Variants in MROH2B observed in about 807,000 individuals in gnomAD.
MROH2B encodes maestro heat like repeat family member 2B.
A neutral mutation model predicts 208.6 loss-of-function variants in MROH2B; 177 were observed. That is an observed-to-expected ratio of 0.85 (90% confidence interval 0.75 to 0.96). MROH2B has a LOEUF of 0.96. Ranked by LOEUF, MROH2B falls within the 40% of genes least tolerant of loss-of-function variation. The pLI is 0.00. For synonymous variants in MROH2B, 728 were observed against 659.0 expected, an observed-to-expected ratio of 1.10 and a Z score of -1.60; for missense variants, 2,002 against 1,878.7, an observed-to-expected ratio of 1.07 and a Z score of -1.21.
At chr5:41,070,782 C>G in intron 1 of MROH2B, 43 bp downstream of exon 1, 1 of 1,598,120 alleles carries the variant, frequency 6.3e-7, no homozygotes, top group Non-Finnish European at 8.5e-7. Context: ...AGAAACAAAA[C>G]ACAGGGAAGA....
At chr5:41,013,209 A>C (rs897190127) in intron 29 of MROH2B, among the ~76,000 whole-genome samples, 1 of 152,244 alleles carries the variant, frequency 6.6e-6, no homozygotes, top group South Asian at 2.1e-4. Context: ...GACAGTGTAC[A>C]TATGGAGTAT....
intron 6 of MROH2B, among the ~76,000 whole-genome samples, chr5:41,058,609 C>A (rs1208788073): frequency 6.6e-6 from 1 of 152,124 alleles, no homozygotes; most frequent in Admixed American, 6.5e-5. Context: ...AGGTGCCCAC[C>A]AGCATGCCTG....
At chr5:41,033,898 A>G (rs1179660555) in intron 21 of MROH2B, 34 bp from the exon 22 acceptor site, 2 of 1,548,100 alleles carry the variant, frequency 1.3e-6, no homozygotes, top group South Asian at 1.2e-5. Flanking sequence ...TAGATACTCA[A>G]TGAGTGGCAT....
chr5:41,045,600 C>A, intron 18 of MROH2B, 146 bp downstream of exon 18: 1 of 613,568 alleles, frequency 1.6e-6, no homozygotes, highest in South Asian at 2.0e-5. Context: ...ATTCAACTTT[C>A]AGCTAGTGGC....
At chr5:41,046,384 G>C (rs921317582) in intron 17 of MROH2B, among the ~76,000 whole-genome samples, 24 of 151,992 alleles carry the variant, frequency 1.6e-4, no homozygotes, top group African/African-American at 5.8e-4. Flanking sequence ...ATGAGACAGG[G>C]TCACAATCAG....
intron 7 of MROH2B, among the ~76,000 whole-genome samples, chr5:41,057,715 C>T (rs1330435519): frequency 2.0e-5 from 3 of 151,596 alleles, no homozygotes; most frequent in African/African-American, 7.3e-5. Context: ...CGCCACCATG[C>T]CCGGCTAATT....
intron 10 of MROH2B, 87 bp downstream of exon 10, chr5:41,055,655 G>T: frequency 1.1e-6 from 1 of 921,036 alleles, no homozygotes; most frequent in Non-Finnish European, 1.7e-6. Context: ...GCATCCAAAA[G>T]ACATAGGATA....
At chr5:41,038,444 C>T (rs1360134658) in intron 21 of MROH2B, among the ~76,000 whole-genome samples, 2 of 152,148 alleles carry the variant, frequency 1.3e-5, no homozygotes, top group African/African-American at 4.8e-5. Flanking sequence ...ATAAATTTTT[C>T]TGTTCCCATA....
intron 27 of MROH2B, 112 bp downstream of exon 27, chr5:41,018,229 A>G (rs1742020037): frequency 1.7e-6 from 2 of 1,150,360 alleles, no homozygotes; most frequent in Middle Eastern, 2.0e-4. Flanking sequence ...TCCGAAAAGC[A>G]CTTCACTCTG....
At chr5:41,007,267 T>C in intron 34 of MROH2B, 47 bp downstream of exon 34, 1 of 1,377,196 alleles carries the variant, frequency 7.3e-7, no homozygotes, top group South Asian at 1.9e-5. Flanking sequence ...TGTTTGTTTG[T>C]TTTTGTTTTC....
At chr5:41,024,060 G>C (rs921571768) in intron 24 of MROH2B, among the ~76,000 whole-genome samples, 1 of 152,136 alleles carries the variant, frequency 6.6e-6, no homozygotes, top group Non-Finnish European at 1.5e-5. Context: ...AGAACAACCA[G>C]TACCAGCCAC....
At chr5:41,031,324 C>T (rs1003476071) in intron 24 of MROH2B, among the ~76,000 whole-genome samples, 1 of 152,004 alleles carries the variant, frequency 6.6e-6, no homozygotes, top group Non-Finnish European at 1.5e-5. Context: ...AACTCACTCA[C>T]TATCATGAGA....
At position 41,062,373 on chromosome 5, in the gene MROH2B, A is replaced by G. The variant is rs370526868; in HGVS notation, c.461-649T>C. On this transcript the variant is annotated intron_variant, in intron 5 of 41. Coordinates refer to ENST00000399564, the MANE Select transcript of MROH2B (RefSeq NM_173489.5). ...GTGGTTACCCTTTGAAGGTAACATG[A>G]GGGGGCTTCTGGGCTCTGACAATCT... Among the ~76,000 whole-genome samples the G allele has an allele frequency of 2.0e-4, 30 of 152,292 alleles. No homozygotes were observed. In the East Asian group the frequency reaches 5.2e-3, roughly 26 times the overall value.
intron 13 of MROH2B, 97 bp downstream of exon 13, chr5:41,050,880 G>T: frequency 1.3e-6 from 1 of 786,576 alleles, no homozygotes; most frequent in Non-Finnish European, 2.0e-6. Context: ...GGAAGCTGAT[G>T]ACAAATGGAG....
At chr5:41,005,116 T>C in intron 35 of MROH2B, 196 bp from the exon 36 acceptor site, 1 of 660,048 alleles carries the variant, frequency 1.5e-6, no homozygotes, top group Non-Finnish European at 2.5e-6. Flanking sequence ...CAAGCTTGCA[T>C]GGTGATGTAA....
intron 34 of MROH2B, among the ~76,000 whole-genome samples, chr5:41,006,781 G>T (rs973116373): frequency 2.0e-5 from 3 of 152,108 alleles, no homozygotes; most frequent in African/African-American, 7.2e-5. Flanking sequence ...TGGGAGCTAA[G>T]CTATTAGGAC....
At chr5:41,010,227 C>T (rs1741732328) in intron 30 of MROH2B, 148 bp from the exon 31 acceptor site, 13 of 748,044 alleles carry the variant, frequency 1.7e-5, no homozygotes, top group Middle Eastern at 4.1e-4. Flanking sequence ...GCCTATTTCT[C>T]ACTCAGGAGG....
chr5:41,041,944 C>T (rs1742966762), intron 19 of MROH2B, 148 bp downstream of exon 19: 2 of 425,196 alleles, frequency 4.7e-6, no homozygotes, highest in South Asian at 1.5e-4. Flanking sequence ...CCTAACTTTT[C>T]CGAAAAATTC....
intron 32 of MROH2B, 21 bp downstream of exon 32, chr5:41,009,259 G>A (rs2111828201): frequency 6.2e-7 from 1 of 1,613,414 alleles, no homozygotes; most frequent in African/African-American, 1.3e-5. Context: ...GCAAGTGATG[G>A]GTTCAGGCTG....
Sources: allele counts gnomAD v4.1 joint callset (sites outside exome capture counted in the v4.1 genomes callset), GRCh38; gene constraint gnomAD v4.1.1; transcripts MANE v1.5; gene names NCBI Gene and HGNC (gene_info 2026-07-23, HGNC 2026-07-21).